Variants in SORCS1 observed in about 807,000 individuals in gnomAD.
The protein encoded by SORCS1 is sortilin related VPS10 domain containing receptor 1, also known as VPS10 domain-containing receptor SorCS1.
A neutral mutation model predicts 146.1 loss-of-function variants in SORCS1; 60 were observed. That is an observed-to-expected ratio of 0.41 (90% CI 0.33 to 0.51). SORCS1 has a LOEUF of 0.51. Ranked by LOEUF, SORCS1 falls within the 20% of genes least tolerant of loss-of-function variation. SORCS1 has a pLI of 0.21. For synonymous variants in SORCS1, 637 were observed against 584.0 expected (o/e 1.09, Z -1.31); for missense variants, 1,352 against 1,487.6 (o/e 0.91, Z 1.50).
chr10:106,715,204 T>C (rs894445640), intron 6 of SORCS1, among the ~76,000 whole-genome samples: 2 of 152,234 alleles, frequency 1.3e-5, no homozygotes, highest in Non-Finnish European at 2.9e-5. Context: ...ATGATGTGAT[T>C]CCATAGGAAG....
intron 6 of SORCS1, among the ~76,000 whole-genome samples, chr10:106,721,112 C>T (rs1188178825): frequency 6.6e-6 from 1 of 151,496 alleles, no homozygotes; most frequent in Non-Finnish European, 1.5e-5. Context: ...TCTGGCTATA[C>T]TAGCTAAACC....
At chr10:107,002,665 T>G (rs1009064251) in intron 1 of SORCS1, among the ~76,000 whole-genome samples, 60 of 152,342 alleles carry the variant, frequency 3.9e-4, no homozygotes, top group African/African-American at 1.3e-3. Context: ...AAGATAATTG[T>G]GCCTAGAAAA....
chr10:106,773,907 C>T (rs1326118444), intron 4 of SORCS1, among the ~76,000 whole-genome samples: 1 of 152,074 alleles, frequency 6.6e-6, no homozygotes, highest in African/African-American at 2.4e-5. Context: ...CCAGATTGCG[C>T]CATTGCACTC....
intron 2 of SORCS1, among the ~76,000 whole-genome samples, chr10:106,926,890 G>GAGAC (rs1953069153): frequency 4.6e-5 from 7 of 151,020 alleles, no homozygotes; most frequent in African/African-American, 1.7e-4. Context: ...GAGAGAGAGA[G>GAGAC]AGAGAGAGAA....
At chr10:106,635,192 A>G (rs1057010366) in intron 18 of SORCS1, among the ~76,000 whole-genome samples, 1 of 152,206 alleles carries the variant, frequency 6.6e-6, no homozygotes, top group Non-Finnish European at 1.5e-5. Context: ...AATGCTATGG[A>G]AACTCCTCAC....
intron 1 of SORCS1, among the ~76,000 whole-genome samples, chr10:107,161,093 G>A (rs995898749): frequency 3.9e-5 from 6 of 152,096 alleles, no homozygotes; most frequent in Admixed American, 1.3e-4. Flanking sequence ...ACCCACAGAC[G>A]AGGCAAAACA....
chr10:107,170,472 G>C, the SORCS1 span, among the ~76,000 whole-genome samples: 1 of 152,126 alleles, frequency 6.6e-6, no homozygotes, highest in African/African-American at 2.4e-5. Context: ...GAAGTCTTTG[G>C]TTATATTTGT....
chr10:106,785,699 T>C (rs1033865302), intron 3 of SORCS1, among the ~76,000 whole-genome samples: 1 of 152,176 alleles, frequency 6.6e-6, no homozygotes, highest in Non-Finnish European at 1.5e-5. Flanking sequence ...ATTAAAGCTT[T>C]CCTGAAAAGA....
chr10:107,037,038 G>C (rs1249119545), intron 1 of SORCS1, among the ~76,000 whole-genome samples: 2 of 152,022 alleles, frequency 1.3e-5, no homozygotes, highest in Non-Finnish European at 2.9e-5. Flanking sequence ...CTGAGGTCGG[G>C]AGTTTGAGAC....
intron 18 of SORCS1, among the ~76,000 whole-genome samples, chr10:106,639,473 T>C (rs1848926566): frequency 6.6e-6 from 1 of 152,196 alleles, no homozygotes; most frequent in Non-Finnish European, 1.5e-5. Flanking sequence ...ATATGTGGAT[T>C]AGTTTTGAGG....
At chr10:106,657,942 C>A (rs186667019) in intron 17 of SORCS1, among the ~76,000 whole-genome samples, 3 of 151,446 alleles carry the variant, frequency 2.0e-5, no homozygotes, top group African/African-American at 7.3e-5. Flanking sequence ...ACATTTAGAA[C>A]GTTAATAAAT....
chr10:106,594,706 A>C (rs1237267992), intron 24 of SORCS1, among the ~76,000 whole-genome samples: 1 of 152,208 alleles, frequency 6.6e-6, no homozygotes, highest in African/African-American at 2.4e-5. Context: ...CACCAAACCT[A>C]AAGATAGTGT....
intron 1 of SORCS1, among the ~76,000 whole-genome samples, chr10:106,963,350 TG>T (rs1219221017): frequency 1.3e-5 from 2 of 151,800 alleles, no homozygotes; most frequent in African/African-American, 4.8e-5. Flanking sequence ...CTCCTGACCT[TG>T]TGATCCGCCC....
intron 2 of SORCS1, among the ~76,000 whole-genome samples, chr10:106,914,999 G>A (rs1952344076): frequency 6.6e-6 from 1 of 152,170 alleles, no homozygotes; most frequent in Non-Finnish European, 1.5e-5. Context: ...TGTGACTGGG[G>A]CAAGACAGCA....
chr10:106,884,731 C>CA (rs894124468), intron 2 of SORCS1, among the ~76,000 whole-genome samples: 12 of 151,406 alleles, frequency 7.9e-5, no homozygotes, highest in Non-Finnish European at 1.5e-4. Flanking sequence ...CCACCCTGCC[C>CA]AAAAAAAATC....
intron 2 of SORCS1, among the ~76,000 whole-genome samples, chr10:106,862,328 T>C (rs1283783912): frequency 1.3e-5 from 2 of 151,974 alleles, no homozygotes; most frequent in African/African-American, 4.9e-5. Context: ...GGTGAAATAA[T>C]TGATGCTATC....
chr10:107,035,262 C>CAAA (rs201009614), intron 1 of SORCS1, among the ~76,000 whole-genome samples: 2 of 28,362 alleles, frequency 7.1e-5, no homozygotes, highest in African/African-American at 1.2e-4. Context: ...AGTGAAGCTT[C>CAAA]AAAAAAAAAA....
rs144056795 is a variant in SORCS1, at chr10:106,620,498, G to A, written c.2726C>T (p.Ala909Val). The A allele has an allele frequency of 2.3e-4, 379 of 1,614,074 alleles. No homozygotes were observed. The African/African-American group carries it at 4.1e-3, about 17-fold the overall frequency. ...FVTTKNKEVN[A>V]TAVLWPSQVG... ...TTGGCTGGGCCACAGCACTGCCGTC[G>A]CATTGACCTCTTTGTTCTTTGTGGT... The change falls in exon 20 of 26, where the codon GCG (alanine) becomes GTG (valine). Residue 909 changes from alanine (A) to valine (V), a missense_variant. This residue lies in a region of SORCS1 where 648 missense variants were observed against 793.8 expected (regional missense o/e 0.82). Transcript: ENST00000263054.
chr10:106,844,094 G>C (rs1437743430), intron 2 of SORCS1, among the ~76,000 whole-genome samples: 1 of 152,174 alleles, frequency 6.6e-6, no homozygotes, highest in Non-Finnish European at 1.5e-5. Flanking sequence ...TAGTTGTAAG[G>C]TGATATTTCA....
Sources: gnomAD v4.1 joint callset for allele counts (sites outside exome capture counted in the v4.1 genomes callset) on GRCh38, gnomAD v4.1.1 for gene constraint, gnomAD v4.1.1 regional missense constraint, MANE v1.5 for transcripts, NCBI Gene and HGNC (gene_info 2026-07-23, HGNC 2026-07-21) for gene names.